Variants in SPOPL observed in about 807,000 individuals in gnomAD.
SPOPL encodes the protein speckle-type POZ protein-like.
SPOPL carries 23 observed loss-of-function variants against 53.8 expected under a neutral mutation model. That is an observed-to-expected ratio of 0.43 (90% CI 0.31 to 0.61). SPOPL has a LOEUF of 0.61. Ranked by LOEUF, SPOPL falls within the 20% of genes least tolerant of loss-of-function variation. The pLI is 0.12. For missense variants in SPOPL, 442 were observed against 466.9 expected, an observed-to-expected ratio of 0.95 and a Z score of 0.49; for synonymous variants, 164 against 149.7, an observed-to-expected ratio of 1.10 and a Z score of -0.70.
intron 1 of SPOPL, among the ~76,000 whole-genome samples, chr2:138,504,042 A>T (rs555026770): frequency 6.6e-6 from 1 of 152,318 alleles, no homozygotes; most frequent in South Asian, 2.1e-4. Flanking sequence ...CTTACTTATT[A>T]CATTTTTAAA....
chr2:138,511,819 T>C (rs1684330408), intron 1 of SPOPL, among the ~76,000 whole-genome samples: 1 of 152,154 alleles, frequency 6.6e-6, no homozygotes, highest in Non-Finnish European at 1.5e-5. Flanking sequence ...TCTGCTTTAC[T>C]CCAGAGCTCT....
intron 1 of SPOPL, among the ~76,000 whole-genome samples, chr2:138,549,763 A>C (rs940252225): frequency 2.0e-5 from 3 of 152,126 alleles, no homozygotes; most frequent in African/African-American, 7.2e-5. Context: ...TATAGTTCTA[A>C]CTTTGCAAAC....
In SPOPL at chr2:138,564,839, C is replaced by G. The variant is rs1337353202; in HGVS notation, c.969C>G (p.Asp323Glu). 6.2e-7 allele frequency: 1 copy of G among 1,614,010 alleles called. No individual in the cohort carries two copies. Among genetic ancestry groups the G allele is most frequent in the Non-Finnish European group, 8.5e-7 (1 of 1,180,012 alleles). The change falls in exon 9 of 11, where the codon GAC becomes GAG. Residue 323 changes from aspartate (D) to glutamate (E), a missense_variant. Coordinates refer to ENST00000280098, the MANE Select transcript of SPOPL (RefSeq NM_001001664.3). ...SAEQLKAQAI[D>E]FINRCSVLRQ... ...AACAGTTGAAAGCACAAGCCATAGA[C>G]TTTATTAATAGGTAAGCTATGCTTG...
rs373798557 is a variant in SPOPL at position 138,559,100 on chromosome 2, G to T, written c.559G>T (p.Ala187Ser). The T allele has an allele frequency of 6.2e-7, 1 of 1,613,788 alleles. No homozygotes were observed. The highest frequency in any genetic ancestry group is 8.5e-7 in the Non-Finnish European group (1 of 1,179,854). Residue 187 changes from alanine to serine, a missense_variant, in exon 6 of 11, where the codon GCA becomes TCA. Ala to Ser is a moderately conservative substitution (Grantham distance 99). Coordinates refer to ENST00000280098, the MANE Select transcript of SPOPL (RefSeq NM_001001664.3). ...TTTGAAGGTGCCTGAGTGTCGTCTA[G>T]CAGAAGATTTAGGTAATCTCTGGGA... is the stretch of plus-strand genomic sequence containing the variant. Reference protein sequence around the residue: ...NTLKVPECRLAEDLGNLWENT... With the variant: ...NTLKVPECRLSEDLGNLWENT...
At chr2:138,506,762 T>C (rs1684224259) in intron 1 of SPOPL, among the ~76,000 whole-genome samples, 1 of 152,114 alleles carries the variant, frequency 6.6e-6, no homozygotes, top group Admixed American at 6.5e-5. Flanking sequence ...GATGTATAGG[T>C]CTGGAGCTCA....
chr2:138,550,072 T>A, intron 1 of SPOPL, 85 bp from the exon 2 acceptor site: 2 of 616,252 alleles, frequency 3.2e-6, no homozygotes, highest in South Asian at 4.6e-5. Flanking sequence ...ATAGTAATTG[T>A]TTCATGTCTG....
chr2:138,561,656 C>G (rs1345264411), intron 8 of SPOPL, among the ~76,000 whole-genome samples: 1 of 152,060 alleles, frequency 6.6e-6, no homozygotes, highest in African/African-American at 2.4e-5. Context: ...CTATGACTGT[C>G]TCAATAAAAA....
intron 1 of SPOPL, among the ~76,000 whole-genome samples, chr2:138,510,413 A>G (rs1472956907): frequency 1.3e-5 from 2 of 152,186 alleles, no homozygotes; most frequent in African/African-American, 2.4e-5. Flanking sequence ...GAAGTAGTCT[A>G]TAGATGTCCA....
At chr2:138,538,107 C>T (rs1200428143) in intron 1 of SPOPL, among the ~76,000 whole-genome samples, 3 of 152,126 alleles carry the variant, frequency 2.0e-5, no homozygotes, top group Non-Finnish European at 2.9e-5. Context: ...TTTTTAAATT[C>T]GTCGAGACTT....
intron 1 of SPOPL, among the ~76,000 whole-genome samples, chr2:138,540,790 G>A (rs1407494587): frequency 1.3e-5 from 2 of 152,144 alleles, no homozygotes; most frequent in Non-Finnish European, 2.9e-5. Context: ...TTGAATAGGA[G>A]TGGTGAGGGA....
chr2:138,512,538 G>A (rs578146730), intron 1 of SPOPL, among the ~76,000 whole-genome samples: 67 of 152,130 alleles, frequency 4.4e-4, no homozygotes, highest in Non-Finnish European at 8.1e-4. Flanking sequence ...GACAGTTTTT[G>A]TAATAGTTTT....
intron 5 of SPOPL, among the ~76,000 whole-genome samples, chr2:138,558,263 A>G (rs1361194846): frequency 1.3e-5 from 2 of 152,230 alleles, no homozygotes; most frequent in Non-Finnish European, 2.9e-5. Flanking sequence ...TATGGGAAAT[A>G]ACTTGATCCA....
chr2:138,526,727 A>T (rs1013492973), intron 1 of SPOPL, among the ~76,000 whole-genome samples: 5 of 140,712 alleles, frequency 3.6e-5, no homozygotes, highest in South Asian at 2.3e-4. Context: ...AGAGTATGGA[A>T]TTTTTTTTTT....
chr2:138,510,256 G>A (rs1684298757), intron 1 of SPOPL, among the ~76,000 whole-genome samples: 1 of 152,226 alleles, frequency 6.6e-6, no homozygotes, highest in African/African-American at 2.4e-5. Flanking sequence ...TTGATGGGTA[G>A]CATGGTAAGA....
intron 10 of SPOPL, among the ~76,000 whole-genome samples, 200 bp downstream of exon 10, chr2:138,565,193 G>A (rs959460036): frequency 3.3e-5 from 5 of 152,162 alleles, no homozygotes; most frequent in African/African-American, 7.2e-5. Flanking sequence ...ATGCAACCTC[G>A]GATGGATGCT....
intron 8 of SPOPL, among the ~76,000 whole-genome samples, chr2:138,562,783 CAAA>C (rs35397774): frequency 1.2e-4 from 8 of 64,154 alleles, no homozygotes; most frequent in Non-Finnish European, 2.0e-4. Context: ...GATTCCATCT[CAAA>C]AAAAAAAAAA....
At chr2:138,513,507 A>G (rs953334085) in intron 1 of SPOPL, among the ~76,000 whole-genome samples, 18 of 152,228 alleles carry the variant, frequency 1.2e-4, no homozygotes, top group African/African-American at 4.3e-4. Flanking sequence ...CCAAGATTGC[A>G]CCACTGCACT....
intron 1 of SPOPL, among the ~76,000 whole-genome samples, chr2:138,521,638 A>G (rs1338458176): frequency 2.0e-5 from 3 of 152,130 alleles, no homozygotes; most frequent in African/African-American, 7.2e-5. Context: ...CTCTTTTATA[A>G]CAGCATGTGT....
At chr2:138,538,621 C>G (rs749232316) in intron 1 of SPOPL, among the ~76,000 whole-genome samples, 6 of 152,146 alleles carry the variant, frequency 3.9e-5, no homozygotes, top group African/African-American at 7.2e-5. Flanking sequence ...AGTCTTTTCA[C>G]ATTGCCTATC....
Sources: gnomAD v4.1 joint callset for allele counts (sites outside exome capture counted in the v4.1 genomes callset) on GRCh38, gnomAD v4.1.1 for gene constraint, MANE v1.5 for transcripts, NCBI Gene and HGNC (gene_info 2026-07-23, HGNC 2026-07-21) for gene names.